MRAP2: variants seen among roughly 807,000 people sequenced by gnomAD.
MRAP2 encodes the protein melanocortin 2 receptor accessory protein 2, also known as melanocortin-2 receptor accessory protein 2.
A neutral mutation model predicts 17.4 loss-of-function variants in MRAP2; 20 were observed. The ratio of observed to expected loss-of-function variants is 1.15; its 90% CI spans 0.81 to 1.67. MRAP2 has a LOEUF of 1.67. Among genes scored for constraint, MRAP2 ranks in the 40% most tolerant of loss-of-function variants. MRAP2 has a pLI of 0.00. For synonymous variants in MRAP2, 96 were observed against 88.4 expected, an observed-to-expected ratio of 1.09 and a Z score of -0.48; for missense variants, 238 against 240.0, an observed-to-expected ratio of 0.99 and a Z score of 0.05.
chr6:84,060,852 A>ATTTTTTTT (rs771171189), intron 2 of MRAP2, among the ~76,000 whole-genome samples: 5 of 119,548 alleles, frequency 4.2e-5, no homozygotes, highest in Admixed American at 8.3e-5. Context: ...CACCCGGCTA[A>ATTTTTTTT]TTTTTTTTTT....
rs2099501573 is a variant in MRAP2, at chr6:84,090,483, G to A, written c.*1002G>A. On this transcript the variant is annotated 3_prime_UTR_variant, in exon 4 of 4. Coordinates refer to ENST00000257776, the MANE Select transcript of MRAP2 (RefSeq NM_138409.4). ...TATGGTACTCTTGTCCCCAAGAAATGTTAGGAAGCTTGTCAGCTGAATGAG... is the reference window on the plus strand; with the variant it reads ...TATGGTACTCTTGTCCCCAAGAAATATTAGGAAGCTTGTCAGCTGAATGAG... 6.6e-6 allele frequency: 1 copy of A among 152,230 alleles called. No homozygotes were observed. The highest frequency in any genetic ancestry group is 2.4e-5 in the African/African-American group (1 of 41,444). The allele number at this position is 152,230 out of a possible 1,614,324, so 9.4% of individuals were successfully genotyped here. A position where few individuals can be genotyped will look rare whatever the true frequency, so the allele number is the denominator to read the frequency against.
intron 1 of MRAP2, among the ~76,000 whole-genome samples, chr6:84,039,468 A>G (rs1179625041): frequency 1.3e-5 from 2 of 152,146 alleles, no homozygotes; most frequent in Non-Finnish European, 2.9e-5. Context: ...GAAACTGTGC[A>G]TTTTCCTTGC....
rs774617391 is a variant in MRAP2 at position 84,089,124 on chromosome 6, G to A, written c.261G>A (p.Met87Ile). Reference protein sequence around the residue: ...NAESSEKRFRMNSFVSDFGRP... With the variant: ...NAESSEKRFRINSFVSDFGRP... ...AGTCCTCAGAGAAGAGATTCAGAATGAACAGCTTTGTGTCAGACTTTGGAA... is the reference window on the plus strand; with the variant it reads ...AGTCCTCAGAGAAGAGATTCAGAATAAACAGCTTTGTGTCAGACTTTGGAA... The change falls in exon 4 of 4, where the codon ATG (methionine) becomes ATA (isoleucine). Residue 87 changes from methionine (M) to isoleucine (I), a missense_variant. Met to Ile is a conservative substitution (Grantham distance 10). Transcript: ENST00000257776. The A allele has an allele frequency of 1.2e-6, 2 of 1,613,798 alleles. No individual in the cohort carries two copies. Among genetic ancestry groups the A allele is most frequent in the South Asian group, 2.2e-5 (2 of 91,064 alleles).
At chr6:84,125,280 C>A in the MRAP2 span, 4 of 1,611,914 alleles carry the variant, frequency 2.5e-6, no homozygotes, top group Non-Finnish European at 2.5e-6. Context: ...GTATTATCTG[C>A]AAATACAAAA....
At chr6:84,042,560 G>A (rs570545010) in intron 1 of MRAP2, among the ~76,000 whole-genome samples, 30 of 152,160 alleles carry the variant, frequency 2.0e-4, no homozygotes, top group South Asian at 1.0e-3. Context: ...GAGACTCTGG[G>A]GACTATTTGG....
At position 84,089,569 on chromosome 6, in the gene MRAP2, T is replaced by G. The variant is rs970708725; in HGVS notation, c.*88T>G. ...CTACATCCACCAAAATTGTGTGTGT[T>G]TGGGGGAGAGAGAGACATAGAGATA... On this transcript the variant is annotated 3_prime_UTR_variant, in exon 4 of 4. Transcript: ENST00000257776. The G allele has an allele frequency of 6.9e-7, 1 of 1,452,834 alleles. No individual in the cohort carries two copies. Among genetic ancestry groups the G allele is most frequent in the Non-Finnish European group, 9.4e-7 (1 of 1,069,130 alleles). 90.0% of individuals were successfully genotyped at this position (1,452,834 alleles called of 1,614,324 possible). A position where few individuals can be genotyped will look rare whatever the true frequency, so the allele number is the denominator to read the frequency against.
At position 84,033,802 on chromosome 6, in the gene MRAP2, C is replaced by T. The variant is rs2099485182; in HGVS notation, c.-89C>T. The stretch of plus-strand genomic sequence containing the variant: ...CCCGGCCCTGGGCGGTGGGAGGCGG[C>T]GGCGGCGGCGGCGCTCGCGCACCTC... On this transcript the variant is annotated 5_prime_UTR_variant, in exon 1 of 4. Coordinates refer to ENST00000257776, the MANE Select transcript of MRAP2 (RefSeq NM_138409.4). 1.2e-5 allele frequency: 12 copies of T among 986,930 alleles called. No homozygotes were observed. Among genetic ancestry groups the T allele is most frequent in the Non-Finnish European group, 1.4e-5 (12 of 830,998 alleles). The allele number at this position is 986,930 out of a possible 1,614,324, so 61.1% of individuals were successfully genotyped here.
chr6:84,093,519 A>C (rs1388006812), downstream of MRAP2, among the ~76,000 whole-genome samples: 3 of 152,154 alleles, frequency 2.0e-5, no homozygotes, highest in Admixed American at 2.0e-4. Context: ...CAGACATAAC[A>C]GCAAAGAGAA....
chr6:84,102,816 AT>A, the MRAP2 span, among the ~76,000 whole-genome samples: 3 of 151,288 alleles, frequency 2.0e-5, no homozygotes, highest in African/African-American at 4.9e-5. Context: ...AAAAAAAAAA[AT>A]AATGTGAGGT....
At chr6:84,055,626 G>A (rs1413622844) in intron 2 of MRAP2, among the ~76,000 whole-genome samples, 181 bp downstream of exon 2, 1 of 152,148 alleles carries the variant, frequency 6.6e-6, no homozygotes, top group Admixed American at 6.5e-5. Flanking sequence ...AATGGTACAG[G>A]AGGGCCTTGG....
intron 2 of MRAP2, among the ~76,000 whole-genome samples, chr6:84,056,565 T>C (rs1562877515): frequency 6.6e-6 from 1 of 152,248 alleles, no homozygotes; most frequent in Non-Finnish European, 1.5e-5. Context: ...TATGCTGTCA[T>C]TGATTATCTG....
intron 3 of MRAP2, among the ~76,000 whole-genome samples, chr6:84,085,315 A>G (rs1185970969): frequency 6.6e-6 from 1 of 152,042 alleles, no homozygotes; most frequent in East Asian, 1.9e-4. Context: ...CGGCCTCCCA[A>G]AGTGCTGGGA....
the MRAP2 span, among the ~76,000 whole-genome samples, chr6:84,125,714 G>C: frequency 3.3e-5 from 5 of 152,038 alleles, no homozygotes; most frequent in Non-Finnish European, 7.4e-5. Context: ...TGAGAAAAAA[G>C]GTGGCTATCT....
At chr6:84,130,417 G>C in the MRAP2 span, among the ~76,000 whole-genome samples, 1 of 152,146 alleles carries the variant, frequency 6.6e-6, no homozygotes, top group Non-Finnish European at 1.5e-5. Flanking sequence ...GTGTGGAATA[G>C]TTTCAGAAGG....
At chr6:84,061,942 G>A (rs1469250166) in intron 2 of MRAP2, 1 of 985,318 alleles carries the variant, frequency 1.0e-6, no homozygotes, top group Admixed American at 6.1e-5. Context: ...TCAGGGCTGT[G>A]ATTAAAGCAG....
rs1431011888 is a variant in MRAP2 at position 84,078,729 on chromosome 6, G to A, written c.228-10362G>A. On this transcript the variant is annotated intron_variant, in intron 3 of 3. Coordinates refer to ENST00000257776, the MANE Select transcript of MRAP2 (RefSeq NM_138409.4). ...TCCCTCAAGAGTAGGCTGCTATAATGCCAGGACACTCCTCAGATTTTCCTT... is the reference window on the plus strand; with the variant it reads ...TCCCTCAAGAGTAGGCTGCTATAATACCAGGACACTCCTCAGATTTTCCTT... Among the ~76,000 whole-genome samples, 3 of 152,158 alleles carry A rather than the reference G, an allele frequency of 2.0e-5. No homozygotes were observed. The East Asian group carries it at 5.8e-4, about 29-fold the overall frequency.
At chr6:84,118,176 G>A in the MRAP2 span, among the ~76,000 whole-genome samples, 1 of 152,162 alleles carries the variant, frequency 6.6e-6, no homozygotes, top group East Asian at 1.9e-4. Context: ...TGTAGAACAT[G>A]GGTGGGGGTG....
chr6:84,139,506 A>G, the MRAP2 span, among the ~76,000 whole-genome samples: 1 of 152,212 alleles, frequency 6.6e-6, no homozygotes, highest in African/African-American at 2.4e-5. Context: ...GGGTTGAGAA[A>G]AAAAATTTTT....
intron 1 of MRAP2, among the ~76,000 whole-genome samples, chr6:84,051,803 T>G (rs541313682): frequency 6.6e-6 from 1 of 152,036 alleles, no homozygotes; most frequent in African/African-American, 2.4e-5. Context: ...GATTGGATAG[T>G]CCAAAGAAGG....
Sources: gnomAD v4.1 joint callset for allele counts (sites outside exome capture counted in the v4.1 genomes callset) on GRCh38, gnomAD v4.1.1 for gene constraint, MANE v1.5 for transcripts, NCBI Gene and HGNC (gene_info 2026-07-23, HGNC 2026-07-21) for gene names.